The following STK3 variants were observed in gnomAD, a reference collection of about 807,000 sequenced individuals.
STK3 encodes the protein serine/threonine-protein kinase 3.
Under a neutral mutation model 58.0 loss-of-function variants are expected in STK3, and 41 were observed. The observed-to-expected ratio is 0.71, with a 90% CI of 0.55 to 0.92. STK3 has a LOEUF of 0.92. Ranked by LOEUF, STK3 falls within the 40% of genes least tolerant of loss-of-function variation. The pLI is 0.00. For synonymous variants in STK3, 170 were observed against 191.0 expected, an observed-to-expected ratio of 0.89 and a Z score of 0.91; for missense variants, 479 against 602.7, an observed-to-expected ratio of 0.79 and a Z score of 2.15.
chr8:98,741,619 A>G (rs1207588077), intron 4 of STK3, among the ~76,000 whole-genome samples: 1 of 152,204 alleles, frequency 6.6e-6, no homozygotes, highest in African/African-American at 2.4e-5. Flanking sequence ...AATTTATAGC[A>G]CTAAATGCCC....
At chr8:98,931,499 G>A (rs1368711908) in intron 1 of STK3, among the ~76,000 whole-genome samples, 1 of 152,184 alleles carries the variant, frequency 6.6e-6, no homozygotes, top group Non-Finnish European at 1.5e-5. Context: ...AAAAGGAAGA[G>A]GAGAAGAAAA....
At chr8:98,691,792 C>T (rs537187320) in intron 6 of STK3, among the ~76,000 whole-genome samples, 6 of 151,798 alleles carry the variant, frequency 4.0e-5, no homozygotes, top group South Asian at 2.1e-4. Context: ...ATTAGCTGGG[C>T]GTGGTGGCGC....
At chr8:98,412,561 C>G (rs7829417) in intron 3 of STK3, among the ~76,000 whole-genome samples, 138,577 of 152,268 alleles carry the variant, frequency 0.91, 63,299 homozygotes, top group Admixed American at 0.95. Context: ...GTCCCAGCTA[C>G]AGCAGGGCAA....
chr8:98,941,719 C>T (rs563851059), intron 1 of STK3, among the ~76,000 whole-genome samples: 1 of 152,330 alleles, frequency 6.6e-6, no homozygotes, highest in African/African-American at 2.4e-5. Context: ...CCTCCTCCTC[C>T]GCGTTTCCTG....
chr8:98,538,912 TA>T (rs936362662), intron 9 of STK3, among the ~76,000 whole-genome samples: 4 of 152,348 alleles, frequency 2.6e-5, no homozygotes, highest in African/African-American at 7.2e-5. Context: ...GGATTCCTCG[TA>T]CTTTTGTAAA....
chr8:98,850,593 G>A (rs1373597192), intron 3 of STK3, among the ~76,000 whole-genome samples: 2 of 152,128 alleles, frequency 1.3e-5, no homozygotes, highest in South Asian at 2.1e-4. Flanking sequence ...AGGGAATGAG[G>A]GCCAAAGAAG....
At chr8:98,394,129 T>G (rs1450908915) in intron 3 of STK3, among the ~76,000 whole-genome samples, 1 of 152,086 alleles carries the variant, frequency 6.6e-6, no homozygotes, top group African/African-American at 2.4e-5. Context: ...AACTCTCAAG[T>G]AGTGGGAGGA....
chr8:98,384,934 A>C (rs534952517), intron 1 of STK3, among the ~76,000 whole-genome samples: 1 of 152,290 alleles, frequency 6.6e-6, no homozygotes, highest in South Asian at 2.1e-4. Flanking sequence ...AACCGGGATA[A>C]CATTTGGAAA....
At chr8:98,887,428 A>T (rs1375531249) in intron 1 of STK3, among the ~76,000 whole-genome samples, 1 of 152,210 alleles carries the variant, frequency 6.6e-6, no homozygotes, top group Non-Finnish European at 1.5e-5. Context: ...TCTGGTCCTA[A>T]GCATTTTGGA....
intron 8 of STK3, among the ~76,000 whole-genome samples, chr8:98,579,306 G>A (rs1291632183): frequency 6.6e-6 from 1 of 152,126 alleles, no homozygotes; most frequent in East Asian, 1.9e-4. Context: ...CTCCTGCTAT[G>A]GTACGTTTTA....
chr8:98,410,712 T>C (rs1211194014), intron 3 of STK3, among the ~76,000 whole-genome samples: 1 of 152,190 alleles, frequency 6.6e-6, no homozygotes, highest in Admixed American at 6.5e-5. Context: ...TTTTCTATCA[T>C]CCTCCTTACA....
At chr8:98,410,224 G>C (rs1026254756) in intron 3 of STK3, among the ~76,000 whole-genome samples, 1 of 152,128 alleles carries the variant, frequency 6.6e-6, no homozygotes, top group African/African-American at 2.4e-5. Context: ...ACAGGCCAAG[G>C]AGCAGCGGAA....
chr8:98,787,181 A>C (rs1832523947), intron 1 of STK3, among the ~76,000 whole-genome samples: 1 of 149,738 alleles, frequency 6.7e-6, no homozygotes, highest in Non-Finnish European at 1.5e-5. Flanking sequence ...AAAAAAAAAA[A>C]AAAAAAAAAA....
chr8:98,356,344 T>C, the STK3 span, among the ~76,000 whole-genome samples: 1 of 152,198 alleles, frequency 6.6e-6, no homozygotes, highest in African/African-American at 2.4e-5. Flanking sequence ...GCTGGACACA[T>C]GGACAGAGTT....
intron 4 of STK3, among the ~76,000 whole-genome samples, chr8:98,734,814 G>A (rs1402474929): frequency 6.7e-6 from 1 of 149,882 alleles, no homozygotes; most frequent in African/African-American, 2.5e-5. Flanking sequence ...TTTAAAACTT[G>A]AAAACACTTG....
intron 6 of STK3, among the ~76,000 whole-genome samples, chr8:98,665,660 GC>G (rs2130810909): frequency 6.6e-6 from 1 of 151,280 alleles, no homozygotes; most frequent in East Asian, 1.9e-4. Flanking sequence ...CTCCCAAAGT[GC>G]TGTGATTACA....
At chr8:98,835,892 A>C (rs1835728015) in intron 3 of STK3, among the ~76,000 whole-genome samples, 1 of 151,968 alleles carries the variant, frequency 6.6e-6, no homozygotes, top group African/African-American at 2.4e-5. Context: ...AACATCATAA[A>C]CTGTTGGCTT....
At chr8:98,405,417 G>C (rs756216361) in intron 3 of STK3, among the ~76,000 whole-genome samples, 1 of 152,126 alleles carries the variant, frequency 6.6e-6, no homozygotes, top group African/African-American at 2.4e-5. Flanking sequence ...CTTGATAAAT[G>C]GTGGTGGTGG....
In STK3 at chr8:98,903,556, C is replaced by CCT. The variant is rs1554699132; in HGVS notation, c.-78-19724_-78-19723dup. Among the ~76,000 whole-genome samples, 26 of 50,518 alleles carry CCT rather than the reference C, an allele frequency of 5.1e-4. 1 individual carries two copies. The highest frequency in any genetic ancestry group is 9.5e-4 in the Non-Finnish European group (23 of 24,250). 33.1% of individuals were successfully genotyped at this position (50,518 alleles called of 152,430 possible). A position where few individuals can be genotyped will look rare whatever the true frequency, so the allele number is the denominator to read the frequency against. ...TCTTCTTCTTCTTCTTCTTCTTCTT[C>CCT]CTTTTTTTTTTTTTAAGTGGGGCCT... On this transcript the variant is annotated intron_variant, in intron 1 of 1. Transcript: ENST00000519420.
Sources: allele counts gnomAD v4.1 joint callset (sites outside exome capture counted in the v4.1 genomes callset), GRCh38; gene constraint gnomAD v4.1.1; transcripts MANE v1.5; gene names NCBI Gene and HGNC (gene_info 2026-07-23, HGNC 2026-07-21).